Variants in TBC1D12 observed in about 807,000 individuals in gnomAD.
TBC1D12 encodes TBC1 domain family, member 12.
Under a neutral mutation model 86.7 loss-of-function variants are expected in TBC1D12, and 56 were observed. That is an observed-to-expected ratio of 0.65 (90% CI 0.52 to 0.81). TBC1D12 has a LOEUF of 0.81. Ranked by LOEUF, TBC1D12 falls within the 30% of genes least tolerant of loss-of-function variation. The pLI is 0.00. For synonymous variants in TBC1D12, 421 were observed against 411.7 expected (o/e 1.02, Z -0.27); for missense variants, 1,023 against 1,038.8 (o/e 0.98, Z 0.21).
chr10:94,506,171 G>A (rs2056458555), intron 6 of TBC1D12, among the ~76,000 whole-genome samples: 1 of 151,928 alleles, frequency 6.6e-6, no homozygotes, highest in Non-Finnish European at 1.5e-5. Flanking sequence ...CAAGTATCTG[G>A]GATTACAGGC....
intron 6 of TBC1D12, among the ~76,000 whole-genome samples, 186 bp from the exon 7 acceptor site, chr10:94,507,081 A>G (rs529702931): frequency 6.6e-6 from 1 of 152,226 alleles, no homozygotes; most frequent in East Asian, 1.9e-4. Context: ...CAGTAATTTT[A>G]TTTACTTTCT....
intron 11 of TBC1D12, among the ~76,000 whole-genome samples, chr10:94,527,972 A>G (rs1842338129): frequency 1.3e-5 from 2 of 150,262 alleles, no homozygotes; most frequent in African/African-American, 2.4e-5. Flanking sequence ...TTGGGTTACT[A>G]TGGCTTTGTA....
rs1330014919 is a variant in TBC1D12, at chr10:94,442,006, A to G, written c.1082A>G (p.Lys361Arg). The G allele has an allele frequency of 6.2e-6, 10 of 1,612,550 alleles. No individual in the cohort carries two copies. The Admixed American group carries it at 1.0e-4, about 16-fold the overall frequency. The change falls in exon 2 of 13, where the codon AAA becomes AGA. Residue 361 changes from lysine to arginine, a missense_variant. This residue lies in a region of TBC1D12 where 395 missense variants were observed against 507.7 expected (regional missense o/e 0.78). Coordinates refer to ENST00000225235, the MANE Select transcript of TBC1D12 (RefSeq NM_015188.2). The part of the protein sequence containing the change: ...PPRENLQKTS[K>R]IIQQEYEART... ...AGAGAGAATCTTCAGAAAACATCCA[A>G]AATCATTCAGCAGGTAAGTACTGAC...
At chr10:94,427,833 C>CAAAAAAAA (rs71031576) in intron 1 of TBC1D12, among the ~76,000 whole-genome samples, 3 of 67,022 alleles carry the variant, frequency 4.5e-5, no homozygotes, top group Non-Finnish European at 7.9e-5. Flanking sequence ...CCCTGTCTCA[C>CAAAAAAAA]AAAAAAAAAA....
At chr10:94,500,394 T>C (rs1031524463) in intron 6 of TBC1D12, 67 bp downstream of exon 6, 1 of 1,325,514 alleles carries the variant, frequency 7.5e-7, no homozygotes, top group Non-Finnish European at 1.0e-6. Context: ...CATAGCAGAT[T>C]AGTAGAGTGA....
At chr10:94,463,220 A>G (rs775383659) in intron 2 of TBC1D12, among the ~76,000 whole-genome samples, 11 of 152,208 alleles carry the variant, frequency 7.2e-5, no homozygotes, top group Non-Finnish European at 7.3e-5. Context: ...ATGGATGGTC[A>G]GTGTCTCAGT....
At chr10:94,423,683 G>T (rs1010417641) in intron 1 of TBC1D12, among the ~76,000 whole-genome samples, 2 of 151,994 alleles carry the variant, frequency 1.3e-5, no homozygotes, top group African/African-American at 2.4e-5. Context: ...AATCTCTAAG[G>T]CTTCTATTAA....
At chr10:94,519,351 T>A (rs935156625) in intron 9 of TBC1D12, among the ~76,000 whole-genome samples, 20 of 152,236 alleles carry the variant, frequency 1.3e-4, no homozygotes, top group African/African-American at 4.8e-4. Context: ...CTGTGCTAGT[T>A]CCCTATGGAT....
At chr10:94,497,328 C>T (rs1042626766) in intron 5 of TBC1D12, among the ~76,000 whole-genome samples, 156 bp downstream of exon 5, 8 of 151,276 alleles carry the variant, frequency 5.3e-5, no homozygotes, top group Admixed American at 1.3e-4. Flanking sequence ...CATGCTGGTG[C>T]GCTGAGATCT....
At position 94,493,479 on chromosome 10, in the gene TBC1D12, T is replaced by C. The variant is rs1239823825; in HGVS notation, c.1294+32T>C. On this transcript the variant is annotated intron_variant, in intron 4 of 12. Transcript: ENST00000225235. ...AATTTAACTCCAAATGGTATAATTT[T>C]CTGATTTTAATAAGAAGATGGATGG... The C allele has an allele frequency of 2.0e-6, 3 of 1,488,974 alleles. No homozygotes were observed. In the South Asian group the frequency reaches 3.6e-5, roughly 18 times the overall value. The allele number at this position is 1,488,974 out of a possible 1,614,324, so 92.2% of individuals were successfully genotyped here.
Position 94,454,509 on chromosome 10 carries a change from C to T in TBC1D12, c.1095+12490C>T, listed in dbSNP as rs571044510. Among the ~76,000 whole-genome samples the T allele has an allele frequency of 5.9e-5, 9 of 152,300 alleles. No homozygotes were observed. The East Asian group carries it at 1.2e-3, about 20-fold the overall frequency. ...TACAGGCGTGAGCCACTGCGCCCGGCGAGTCTTCTTAATCATAAACATGGA... is the reference window on the plus strand; with the variant it reads ...TACAGGCGTGAGCCACTGCGCCCGGTGAGTCTTCTTAATCATAAACATGGA... On this transcript the variant is annotated intron_variant, in intron 2 of 12. Coordinates refer to ENST00000225235, the MANE Select transcript of TBC1D12 (RefSeq NM_015188.2).
At chr10:94,451,059 G>C (rs1424583052) in intron 2 of TBC1D12, among the ~76,000 whole-genome samples, 1 of 151,898 alleles carries the variant, frequency 6.6e-6, no homozygotes, top group Non-Finnish European at 1.5e-5. Context: ...GTTAGGGAGA[G>C]ATTTGTTAAA....
intron 1 of TBC1D12, among the ~76,000 whole-genome samples, chr10:94,437,948 C>G (rs1005005052): frequency 8.7e-6 from 1 of 114,612 alleles, no homozygotes; most frequent in African/African-American, 3.4e-5. Flanking sequence ...TATTACCTTT[C>G]GTTCTTTGTC....
chr10:94,417,413 T>A (rs2055013733), intron 1 of TBC1D12, among the ~76,000 whole-genome samples: 1 of 152,210 alleles, frequency 6.6e-6, no homozygotes, highest in Non-Finnish European at 1.5e-5. Flanking sequence ...TGGATTTTTG[T>A]TTTTGAAGGA....
intron 4 of TBC1D12, among the ~76,000 whole-genome samples, chr10:94,496,388 T>A (rs182194775): frequency 6.6e-6 from 1 of 152,114 alleles, no homozygotes; most frequent in Non-Finnish European, 1.5e-5. Context: ...ATATGTGTTT[T>A]GGGGGACATT....
chr10:94,517,876 G>A (rs1036714378), intron 9 of TBC1D12, among the ~76,000 whole-genome samples: 1 of 152,156 alleles, frequency 6.6e-6, no homozygotes, highest in African/African-American at 2.4e-5. Flanking sequence ...CCACAGGCTG[G>A]GTGCGGTGGC....
At chr10:94,434,218 A>G (rs971309113) in intron 1 of TBC1D12, among the ~76,000 whole-genome samples, 3 of 152,124 alleles carry the variant, frequency 2.0e-5, no homozygotes, top group Admixed American at 6.5e-5. Context: ...TAAAAATATG[A>G]AAATTGGCCA....
At chr10:94,410,719 A>C (rs370673533) in intron 1 of TBC1D12, among the ~76,000 whole-genome samples, 12 of 152,212 alleles carry the variant, frequency 7.9e-5, no homozygotes, top group African/African-American at 2.7e-4. Context: ...ATGAATTATA[A>C]ATTTAAGAGC....
At chr10:94,436,530 A>G (rs534670958) in intron 1 of TBC1D12, among the ~76,000 whole-genome samples, 35 of 152,220 alleles carry the variant, frequency 2.3e-4, no homozygotes, top group Admixed American at 3.9e-4. Flanking sequence ...ATTGATAGAT[A>G]AGTTTGGGGA....
Sources: gnomAD v4.1 joint callset for allele counts (sites outside exome capture counted in the v4.1 genomes callset) on GRCh38, gnomAD v4.1.1 for gene constraint, gnomAD v4.1.1 regional missense constraint, MANE v1.5 for transcripts, NCBI Gene and HGNC (gene_info 2026-07-23, HGNC 2026-07-21) for gene names.